EFCAB3: variants seen among roughly 807,000 people sequenced by gnomAD.
EFCAB3 encodes EF-hand calcium-binding domain-containing protein 3.
In EFCAB3, 36 loss-of-function variants were observed where a neutral mutation model predicts 42.2. The observed-to-expected ratio is 0.85, with a 90% CI of 0.65 to 1.13. The LOEUF (loss-of-function observed/expected upper bound fraction) is 1.13. Among genes scored for constraint, EFCAB3 ranks in the 50% most tolerant of loss-of-function variants. The pLI, the probability that EFCAB3 is intolerant of heterozygous loss-of-function variation, is 0.00. For missense variants in EFCAB3, 418 were observed against 505.1 expected (o/e 0.83, Z 1.65); for synonymous variants, 170 against 172.8 (o/e 0.98, Z 0.13).
exon 1 of EFCAB3, chr17:62,370,281 A>G: frequency 4.5e-6 from 7 of 1,551,676 alleles, no homozygotes; most frequent in Non-Finnish European, 6.1e-6. Flanking sequence ...GAGCTCACAG[A>G]AGAAGAAATG....
At position 62,387,360 on chromosome 17, in the gene EFCAB3, CT is replaced by C. The variant is rs1221531233; in HGVS notation, c.96del (p.Leu33PhefsTer12). The C allele has an allele frequency of 1.2e-6, 2 of 1,611,454 alleles. No homozygotes were observed. The highest frequency in any genetic ancestry group is 1.7e-5 in the Admixed American group (1 of 59,898). On this transcript the variant is annotated frameshift_variant, in exon 3 of 10. Transcript: ENST00000305286. LOFTEE classifies it high-confidence loss of function. ...CTCAGGGATAGAGACTTACCAGGAT[CT>C]CTTCAATGCCAATTACAACACAAAG... The part of the protein sequence containing the change: ...HNKRDRDLPG[S>X]LQCQLQHKEK...
chr17:62,387,192 C>A, intron 2 of EFCAB3, 148 bp from the exon 3 acceptor site: 1 of 476,430 alleles, frequency 2.1e-6, no homozygotes, highest in Non-Finnish European at 3.7e-6. Flanking sequence ...TAGCTATGGG[C>A]TATCCTAAAT....
At chr17:62,411,059 C>T (rs944401869) in intron 8 of EFCAB3, among the ~76,000 whole-genome samples, 7 of 152,088 alleles carry the variant, frequency 4.6e-5, no homozygotes, top group African/African-American at 9.7e-5. Flanking sequence ...CCTTAAAAAC[C>T]GGTTTTAGAT....
chr17:62,390,327 G>T (rs902488473), intron 3 of EFCAB3, among the ~76,000 whole-genome samples: 3 of 152,168 alleles, frequency 2.0e-5, no homozygotes, highest in Non-Finnish European at 4.4e-5. Context: ...GGGAGGGATT[G>T]GCTCTGGGTA....
chr17:62,407,676 T>C (rs1348444874), intron 8 of EFCAB3, among the ~76,000 whole-genome samples: 1 of 152,190 alleles, frequency 6.6e-6, no homozygotes, highest in African/African-American at 2.4e-5. Flanking sequence ...TGGCCTTGCT[T>C]CAAGTTCTGT....
intron 8 of EFCAB3, among the ~76,000 whole-genome samples, chr17:62,407,664 T>G (rs1193436286): frequency 1.3e-5 from 2 of 152,206 alleles, no homozygotes; most frequent in African/African-American, 4.8e-5. Flanking sequence ...AGCTGCACCT[T>G]CTGGCCTTGC....
chr17:62,401,731 C>T (rs2070404892), intron 6 of EFCAB3, among the ~76,000 whole-genome samples: 1 of 152,186 alleles, frequency 6.6e-6, no homozygotes, highest in African/African-American at 2.4e-5. Context: ...GTGATGCCTC[C>T]AGCTTTGTTC....
intron 6 of EFCAB3, among the ~76,000 whole-genome samples, chr17:62,405,138 G>C (rs1438818874): frequency 6.6e-6 from 1 of 152,184 alleles, no homozygotes; most frequent in East Asian, 1.9e-4. Flanking sequence ...AGAGTATATA[G>C]AGAATACTCT....
At position 62,401,133 on chromosome 17, in the gene EFCAB3, T is replaced by C. The variant is rs1258514357; in HGVS notation, c.489-5347T>C. 2.6e-5 allele frequency among the ~76,000 whole-genome samples: 4 copies of C among 152,030 alleles called. No homozygotes were observed. In the East Asian group the frequency reaches 7.7e-4, roughly 29 times the overall value. ...ATCCTTCACCCACTTTTTGATTAGG[T>C]TGTTTGATTTTTTCTTGTAAATTTG... On this transcript the variant is annotated intron_variant, in intron 6 of 9. Coordinates refer to ENST00000305286, the MANE Select transcript of EFCAB3 (RefSeq NM_173503.4).
At chr17:62,373,570 A>G (rs2070129391) in intron 1 of EFCAB3, among the ~76,000 whole-genome samples, 2 of 152,184 alleles carry the variant, frequency 1.3e-5, no homozygotes, top group Non-Finnish European at 2.9e-5. Flanking sequence ...GCAATGAGCC[A>G]TAATCACGCC....
At chr17:62,400,372 T>C (rs2070390300) in intron 6 of EFCAB3, among the ~76,000 whole-genome samples, 1 of 152,126 alleles carries the variant, frequency 6.6e-6, no homozygotes, top group African/African-American at 2.4e-5. Context: ...ATGTTATCCC[T>C]CCCTCCTCCA....
intron 3 of EFCAB3, among the ~76,000 whole-genome samples, chr17:62,388,370 G>A (rs1218589075): frequency 6.6e-6 from 1 of 152,172 alleles, no homozygotes; most frequent in African/African-American, 2.4e-5. Flanking sequence ...GCTGAATGAC[G>A]AACAGGAGTA....
At chr17:62,383,801 C>T (rs961183632) in intron 2 of EFCAB3, among the ~76,000 whole-genome samples, 6 of 152,036 alleles carry the variant, frequency 3.9e-5, no homozygotes, top group Admixed American at 1.3e-4. Flanking sequence ...AAGACCTAAA[C>T]CCATAACCAA....
In EFCAB3 at chr17:62,416,416, T is replaced by A; in HGVS notation, c.*87T>A. ...GTTTCTTGCTTTTGTCTAAGTACAT[T>A]CTTAGAAGCTGGAAATTTTGACATC... On this transcript the variant is annotated 3_prime_UTR_variant, in exon 10 of 10. Transcript: ENST00000305286. 1.8e-6 allele frequency: 2 copies of A among 1,142,174 alleles called. No individual in the cohort carries two copies. The highest frequency in any genetic ancestry group is 1.8e-5 in the South Asian group (1 of 56,864). 70.8% of individuals were successfully genotyped at this position (1,142,174 alleles called of 1,614,324 possible).
At position 62,413,789 on chromosome 17, in the gene EFCAB3, A is replaced by G. The variant is rs2144118809; in HGVS notation, c.925A>G (p.Ile309Val). ...ASGYSNNIFT[I>V]DQMLKKKQTC... Reference sequence around the variant, plus strand: ...AGGTTATTCAAATAACATCTTCACCATTGATCAAATGCTCAAGAAAAAGCA... The same window carrying G: ...AGGTTATTCAAATAACATCTTCACCGTTGATCAAATGCTCAAGAAAAAGCA... The change falls in exon 9 of 10, where the codon ATT becomes GTT. Residue 309 changes from isoleucine (I) to valine (V), a missense_variant. Coordinates refer to ENST00000305286, the MANE Select transcript of EFCAB3 (RefSeq NM_173503.4). 6.2e-7 allele frequency: 1 copy of G among 1,613,818 alleles called. No individual in the cohort carries two copies. Among genetic ancestry groups the G allele is most frequent in the Non-Finnish European group, 8.5e-7 (1 of 1,179,810 alleles).
At chr17:62,404,146 C>G (rs558494194) in intron 6 of EFCAB3, among the ~76,000 whole-genome samples, 2 of 152,192 alleles carry the variant, frequency 1.3e-5, no homozygotes, top group Non-Finnish European at 2.9e-5. Flanking sequence ...ACTTGGGAGG[C>G]TGAGGCAGGA....
intron 6 of EFCAB3, chr17:62,398,129 G>A (rs2144091210): frequency 3.6e-6 from 1 of 277,554 alleles, no homozygotes; most frequent in South Asian, 5.3e-5. Flanking sequence ...ACGAAGGAAA[G>A]ACCAAGATCA....
At chr17:62,401,463 G>T (rs1442627530) in intron 6 of EFCAB3, among the ~76,000 whole-genome samples, 3 of 152,120 alleles carry the variant, frequency 2.0e-5, no homozygotes, top group Non-Finnish European at 4.4e-5. Flanking sequence ...ATTAATTTTT[G>T]TATAAGGTGT....
intron 8 of EFCAB3, among the ~76,000 whole-genome samples, chr17:62,412,361 CAAAAAAAAA>C (rs1237628464): frequency 4.5e-5 from 3 of 65,958 alleles, no homozygotes; most frequent in Non-Finnish European, 1.0e-4. Context: ...GACTCTGTCT[CAAAAAAAAA>C]AAAAAAAAAA....
Sources: gnomAD v4.1 joint callset for allele counts (sites outside exome capture counted in the v4.1 genomes callset) on GRCh38, gnomAD v4.1.1 for gene constraint, MANE v1.5 for transcripts, NCBI Gene and HGNC (gene_info 2026-07-23, HGNC 2026-07-21) for gene names.